Variants in TMEM120A observed in about 807,000 individuals in gnomAD.
The protein encoded by TMEM120A is transmembrane protein 120A, also known as ion channel TACAN.
A neutral mutation model predicts 54.3 loss-of-function variants in TMEM120A; 45 were observed. The ratio of observed to expected loss-of-function variants is 0.83; its 90% confidence interval spans 0.65 to 1.06. TMEM120A has a LOEUF of 1.06. Ranked by LOEUF, TMEM120A falls within the 50% of genes least tolerant of loss-of-function variation. TMEM120A has a pLI of 0.00. For synonymous variants in TMEM120A, 204 were observed against 178.5 expected, an observed-to-expected ratio of 1.14 and a Z score of -1.14; for missense variants, 424 against 441.7, an observed-to-expected ratio of 0.96 and a Z score of 0.36.
intron 3 of TMEM120A, among the ~76,000 whole-genome samples, chr7:75,989,472 A>G (rs1789750000): frequency 7.7e-6 from 1 of 130,468 alleles, no homozygotes; most frequent in Non-Finnish European, 1.6e-5. Flanking sequence ...CCATCTCCAG[A>G]GTCTTGTCTG....
At chr7:75,993,961 A>T (rs1471385571) in intron 1 of TMEM120A, among the ~76,000 whole-genome samples, 1 of 51,834 alleles carries the variant, frequency 1.9e-5, no homozygotes, top group Non-Finnish European at 4.2e-5. Context: ...CACCCCTCCC[A>T]CCCGTCCCAC....
At chr7:75,990,714 T>A (rs1383902926) in intron 3 of TMEM120A, among the ~76,000 whole-genome samples, 5 of 151,544 alleles carry the variant, frequency 3.3e-5, no homozygotes, top group Non-Finnish European at 7.4e-5. Flanking sequence ...TGAAACCCCA[T>A]CTCTACTAAA....
chr7:75,989,117 T>TGGA lies in TMEM120A; in HGVS notation c.377+47_377+48insTCC, dbSNP rs1491568194. ...TGAGGGGGGGAGGGGGGTAGGGGGC[T>TGGA]AGGGGTGGAGGGGTGGAGGTTGGGG... On this transcript the variant is annotated intron_variant, in intron 4 of 11. Transcript: ENST00000493111. The TGGA allele has an allele frequency of 5.8e-6, 2 of 346,102 alleles. 1 individual carries two copies. Among genetic ancestry groups the TGGA allele is most frequent in the African/African-American group, 1.3e-4 (2 of 15,678 alleles). 21.4% of individuals were successfully genotyped at this position (346,102 alleles called of 1,614,324 possible). A position where few individuals can be genotyped will look rare whatever the true frequency, so the allele number is the denominator to read the frequency against.
At chr7:75,993,493 C>A (rs6952753) in intron 1 of TMEM120A, among the ~76,000 whole-genome samples, 43,384 of 152,228 alleles carry the variant, frequency 0.28, 6,452 homozygotes, top group Middle Eastern at 0.45. Flanking sequence ...GAGAGCCAAG[C>A]AGGGGCTGTG....
rs1471997861 is a variant in TMEM120A at position 75,992,573 on chromosome 7, G to A, written c.82-16C>T. 6.5e-7 allele frequency: 1 copy of A among 1,543,832 alleles called. No homozygotes were observed. Among genetic ancestry groups the A allele is most frequent in the Non-Finnish European group, 8.7e-7 (1 of 1,142,908 alleles). On this transcript the variant is annotated splice_polypyrimidine_tract_variant and intron_variant, in intron 1 of 11. Transcript: ENST00000493111. ...GATGGGTCTCCTGGGGGCCGGAGGG[G>A]AGAGGCTCAGGCCAGTTGGGGAGCT...
At chr7:75,992,050 G>C in intron 3 of TMEM120A, 94 bp downstream of exon 3, 3 of 881,354 alleles carry the variant, frequency 3.4e-6, no homozygotes, top group Non-Finnish European at 5.4e-6. Context: ...CTGGGCCCAG[G>C]GAACATTTGC....
chr7:75,987,267 G>C lies in TMEM120A; in HGVS notation c.937C>G (p.Pro313Ala). ...KEWQVLMCGFPFLLLFLGNFF... is the reference protein window; with the variant it reads ...KEWQVLMCGFAFLLLFLGNFF... ...TTGCCGAGGAAAAGGAGGAGGAAGG[G>C]AAAGCCGCACATAAGCACCTGCCGG... The change falls in exon 12 of 12, where the codon CCC becomes GCC. Residue 313 changes from proline to alanine, a missense_variant. By Grantham distance (27) the Pro-to-Ala change is conservative. Coordinates refer to ENST00000493111, the MANE Select transcript of TMEM120A (RefSeq NM_031925.3). 3 of 1,603,996 alleles carry C rather than the reference G, an allele frequency of 1.9e-6. No homozygotes were observed. Among genetic ancestry groups the C allele is most frequent in the South Asian group, 2.2e-5 (2 of 89,326 alleles).
At chr7:75,991,392 A>AT (rs1295239576) in intron 3 of TMEM120A, among the ~76,000 whole-genome samples, 50 of 150,830 alleles carry the variant, frequency 3.3e-4, no homozygotes, top group Non-Finnish European at 3.8e-4. Flanking sequence ...TGTCTGCCTC[A>AT]TTTTTTTTAT....
In TMEM120A at chr7:75,987,868, C is replaced by T. The variant is rs1417086591; in HGVS notation, c.691+55G>A. 7.5e-6 allele frequency: 12 copies of T among 1,598,498 alleles called. No homozygotes were observed. In the South Asian group the frequency reaches 1.1e-4, roughly 15 times the overall value. ...GAGCCCCGGGAGGGGTTCCCTGCCCCTGCCCCCCACCACGGGTGCCTCCAG... is the reference window on the plus strand; with the variant it reads ...GAGCCCCGGGAGGGGTTCCCTGCCCTTGCCCCCCACCACGGGTGCCTCCAG... On this transcript the variant is annotated intron_variant, in intron 8 of 11. Coordinates refer to ENST00000493111, the MANE Select transcript of TMEM120A (RefSeq NM_031925.3).
At chr7:75,992,294 G>A (rs967526362) in intron 2 of TMEM120A, 34 bp from the exon 3 acceptor site, 2 of 1,577,978 alleles carry the variant, frequency 1.3e-6, no homozygotes, top group Non-Finnish European at 1.7e-6. Context: ...CAGGGCAAGA[G>A]GACTCCCAAG....
Position 75,987,402 on chromosome 7 carries a change from C to A in TMEM120A, c.876G>T (p.Thr292=), listed in dbSNP as rs781909792. The A allele has an allele frequency of 1.3e-6, 2 of 1,564,362 alleles. No homozygotes were observed. The highest frequency in any genetic ancestry group is 4.8e-5 in the East Asian group (2 of 42,018). ...GHFWQLFNAL[T]LFNLAQDPQC... is the part of the protein sequence containing the mutation. ...GAGGGTCCTGGGCCAGGTTGAACAACGTCAGCGCGTTAAAAAGCTGCCAGA... is the reference window on the plus strand; with the variant it reads ...GAGGGTCCTGGGCCAGGTTGAACAAAGTCAGCGCGTTAAAAAGCTGCCAGA... Residue 292 remains threonine, a synonymous_variant, in exon 11 of 12, where the codon ACG becomes ACT. Transcript: ENST00000493111.
intron 2 of TMEM120A, 59 bp from the exon 3 acceptor site, chr7:75,992,319 C>T: frequency 1.3e-6 from 2 of 1,552,374 alleles, no homozygotes; most frequent in South Asian, 1.2e-5. Flanking sequence ...CTCCCTGACT[C>T]CCACAGGGGC....
chr7:75,988,510 G>A lies in TMEM120A; in HGVS notation c.384C>T (p.Ala128=), dbSNP rs1554560802. 1 of 1,605,698 alleles carries A rather than the reference G, an allele frequency of 6.2e-7. No individual in the cohort carries two copies. The highest frequency in any genetic ancestry group is 2.2e-5 in the East Asian group (1 of 44,480). ...VTLLSKQAKF[A]YKDEYEKFKL... ...TGAACTTCTCATACTCGTCCTTGTAGGCAAACCTGGGGGGCGCAGGCCGGT... is the reference window on the plus strand; with the variant it reads ...TGAACTTCTCATACTCGTCCTTGTAAGCAAACCTGGGGGGCGCAGGCCGGT... Residue 128 remains alanine (A), a synonymous_variant, in exon 5 of 12, where the codon GCC becomes GCT. Transcript: ENST00000493111.
chr7:75,987,324 G>GC (rs782006792), intron 11 of TMEM120A, 36 bp downstream of exon 11: 33 of 1,566,720 alleles, frequency 2.1e-5, no homozygotes, highest in African/African-American at 5.4e-5. Context: ...CATGGGCCTG[G>GC]CCCCCCATCC....
rs368479303 is a variant in TMEM120A at position 75,992,243 on chromosome 7, G to A, written c.218C>T (p.Pro73Leu). 8.1e-6 allele frequency: 13 copies of A among 1,609,516 alleles called. No individual in the cohort carries two copies. The highest frequency in any genetic ancestry group is 1.1e-5 in the Non-Finnish European group (13 of 1,177,802). Reference protein sequence around the residue: ...LALKKCKPSLPAEAEGAAQEL... With the variant: ...LALKKCKPSLLAEAEGAAQEL... The stretch of plus-strand genomic sequence containing the variant: ...CTGTGCGGCCCCCTCGGCCTCTGCT[G>A]GGAGGGAGGGTTTGCATCTGCGGGT... The change falls in exon 3 of 12, where the codon CCA becomes CTA. Residue 73 changes from proline (P) to leucine (L), a missense_variant. Transcript: ENST00000493111.
chr7:75,989,442 G>A (rs561511588), intron 3 of TMEM120A, among the ~76,000 whole-genome samples: 6 of 150,148 alleles, frequency 4.0e-5, no homozygotes, highest in East Asian at 2.0e-4. Context: ...CCTGACCCCC[G>A]GAGGAAACAG....
rs534499056 is a variant in TMEM120A at position 75,988,249 on chromosome 7, C to G, written c.563+3G>C. On this transcript the variant is annotated splice_donor_region_variant and intron_variant, in intron 6 of 11. Transcript: ENST00000493111. ...CCCCTCCCTCAGGGCCCGCCCTGCC[C>G]ACCGGGAGCCGTTGTTGATGAGGAT... The G allele has an allele frequency of 6.2e-7, 1 of 1,612,034 alleles. No individual in the cohort carries two copies. The highest frequency in any genetic ancestry group is 8.5e-7 in the Non-Finnish European group (1 of 1,179,824).
intron 3 of TMEM120A, 85 bp from the exon 4 acceptor site, chr7:75,989,309 T>C (rs1789742842): frequency 2.2e-6 from 2 of 913,190 alleles, no homozygotes; most frequent in African/African-American, 1.6e-5. Flanking sequence ...GGCCAGAGCC[T>C]GGGCCACCAC....
rs1554559960 is a variant in TMEM120A, at chr7:75,987,249, G to T, written c.955C>A (p.Leu319Ile). ...CTCAGGGTGGTGAAGAAATTGCCGA[G>T]GAAAAGGAGGAGGAAGGGAAAGCCG... ...MCGFPFLLLF[L>I]GNFFTTLRVV... Residue 319 changes from leucine (L) to isoleucine (I), a missense_variant, in exon 12 of 12, where the codon CTC (leucine) becomes ATC (isoleucine). Coordinates refer to ENST00000493111, the MANE Select transcript of TMEM120A (RefSeq NM_031925.3). 6.2e-7 allele frequency: 1 copy of T among 1,607,792 alleles called. No individual in the cohort carries two copies. The highest frequency in any genetic ancestry group is 1.1e-5 in the South Asian group (1 of 89,990).
Sources: allele counts gnomAD v4.1 joint callset (sites outside exome capture counted in the v4.1 genomes callset), GRCh38; gene constraint gnomAD v4.1.1; transcripts MANE v1.5; gene names NCBI Gene and HGNC (gene_info 2026-07-23, HGNC 2026-07-21).